MILR1: variants seen among roughly 807,000 people sequenced by gnomAD.
The protein encoded by MILR1 is allergin-1.
Under a neutral mutation model 18.5 loss-of-function variants are expected in MILR1, and 31 were observed. The observed-to-expected ratio is 1.68, with a 90% CI of 1.26 to 2.26. The LOEUF is 2.26. Ranked by LOEUF, MILR1 falls within the 30% of genes most tolerant of loss-of-function variation. The pLI is 0.00. For synonymous variants in MILR1, 85 were observed against 56.2 expected (o/e 1.51, Z -2.30); for missense variants, 257 against 157.4 (o/e 1.63, Z -3.38).
chr17:64,480,123 G>C, the MILR1 span, among the ~76,000 whole-genome samples: 1 of 152,162 alleles, frequency 6.6e-6, no homozygotes, highest in Non-Finnish European at 1.5e-5. Context: ...ACTGTTCCCT[G>C]CTGAGGCAAT....
the MILR1 span, chr17:64,490,449 T>C: frequency 3.4e-6 from 1 of 293,882 alleles, no homozygotes; most frequent in South Asian, 3.3e-5. Context: ...ACAGATTAAC[T>C]AGACTGTACT....
intron 5 of MILR1, among the ~76,000 whole-genome samples, chr17:64,462,777 A>G (rs2037462197): frequency 6.6e-6 from 1 of 151,632 alleles, no homozygotes; most frequent in African/African-American, 2.4e-5. Context: ...AGTAGCTGGG[A>G]TTACAGGCAC....
chr17:64,496,525 AACTAACCTG>A, the MILR1 span: 2 of 1,613,644 alleles, frequency 1.2e-6, no homozygotes. Flanking sequence ...TTTCTGCAGA[AACTAACCTG>A]AAGGCACTGT....
At chr17:64,473,173 C>A (rs566828640), downstream of MILR1, among the ~76,000 whole-genome samples, 12 of 152,098 alleles carry the variant, frequency 7.9e-5, no homozygotes, top group Non-Finnish European at 1.6e-4. Flanking sequence ...CACGATGAAA[C>A]CCCGTCTCTA....
chr17:64,492,413 T>C, the MILR1 span, among the ~76,000 whole-genome samples: 10 of 152,354 alleles, frequency 6.6e-5, no homozygotes, highest in East Asian at 7.7e-4. Context: ...CCAGGAATGC[T>C]AGGTGAGGGC....
At chr17:64,492,742 T>C in the MILR1 span, 4 of 1,613,120 alleles carry the variant, frequency 2.5e-6, no homozygotes, top group Admixed American at 1.7e-5. Context: ...GAGTAAACCA[T>C]ACTAACGAAG....
intron 8 of MILR1, among the ~76,000 whole-genome samples, chr17:64,467,043 TTTCTTC>T (rs1303564960): frequency 9.5e-4 from 141 of 149,002 alleles, no homozygotes; most frequent in African/African-American, 3.5e-3. Flanking sequence ...TCTTTCTTTC[TTTCTTC>T]TTTCTTTCTT....
chr17:64,469,169 G>A (rs1251281867), downstream of MILR1, among the ~76,000 whole-genome samples: 1 of 151,898 alleles, frequency 6.6e-6, no homozygotes. Context: ...AGAGAAACAG[G>A]TGAAATGAAT....
chr17:64,483,978 G>A, the MILR1 span: 6 of 152,278 alleles, frequency 3.9e-5, no homozygotes, highest in African/African-American at 1.2e-4. Context: ...GCTTCCCAAA[G>A]TGCTGGGATT....
rs118202280 is a variant in MILR1 at position 64,459,445 on chromosome 17, G to T, written c.653-1377G>T. Among the ~76,000 whole-genome samples the T allele has an allele frequency of 5.4e-3, 822 of 151,846 alleles. 7 individuals are homozygous for T. Among genetic ancestry groups the T allele is most frequent in the African/African-American group, 0.019 (793 of 41,432 alleles). On this transcript the variant is annotated intron_variant, in intron 4 of 9. Coordinates refer to ENST00000619286, the MANE Select transcript of MILR1 (RefSeq NM_001085423.2). ...GCGAGACCCTGTCTCAAAGAAAAAA[G>T]AAAAAGAAAAAGAAAGAAAAGAAAA...
At chr17:64,481,775 T>C in the MILR1 span, among the ~76,000 whole-genome samples, 1 of 152,162 alleles carries the variant, frequency 6.6e-6, no homozygotes, top group African/African-American at 2.4e-5. Context: ...CTAGGGAGGC[T>C]GAGGCAGGAG....
chr17:64,458,577 T>A (rs1164601599), intron 4 of MILR1, among the ~76,000 whole-genome samples: 3 of 151,914 alleles, frequency 2.0e-5, no homozygotes, highest in Non-Finnish European at 4.4e-5. Context: ...CTGCTAATGA[T>A]GATGGGTCCA....
At chr17:64,489,080 C>T in the MILR1 span, among the ~76,000 whole-genome samples, 1 of 143,214 alleles carries the variant, frequency 7.0e-6, no homozygotes, top group African/African-American at 2.6e-5. Context: ...GGCTGGAGTG[C>T]AGCAGCACAG....
At chr17:64,474,790 A>G in the MILR1 span, among the ~76,000 whole-genome samples, 1 of 152,074 alleles carries the variant, frequency 6.6e-6, no homozygotes, top group South Asian at 2.1e-4. Flanking sequence ...TATCCAAAGT[A>G]TGGTGTCCAC....
In MILR1 at chr17:64,450,636, T is replaced by C. The variant is rs1427629176; in HGVS notation, c.97+1281T>C. On this transcript the variant is annotated intron_variant, in intron 2 of 9. Transcript: ENST00000619286. ...CTGGGATTACAGGCACGTGCCACCA[T>C]GCCTGGGTAATTTTTGTATTGTTTT... 3.3e-5 allele frequency among the ~76,000 whole-genome samples: 5 copies of C among 151,816 alleles called. No homozygotes were observed. The East Asian group carries it at 9.7e-4, about 30-fold the overall frequency.
At chr17:64,464,485 C>T (rs1598101442) in intron 5 of MILR1, among the ~76,000 whole-genome samples, 1 of 151,990 alleles carries the variant, frequency 6.6e-6, no homozygotes, top group East Asian at 1.9e-4. Flanking sequence ...AGTGATCCTC[C>T]CACCTCAGCT....
chr17:64,491,559 C>T, the MILR1 span: 31 of 1,550,968 alleles, frequency 2.0e-5, no homozygotes, highest in Non-Finnish European at 2.7e-5. Context: ...CAAGAAACTT[C>T]TGGAGGTCAA....
At chr17:64,477,830 T>C in the MILR1 span, 1 of 1,589,868 alleles carries the variant, frequency 6.3e-7, no homozygotes, top group South Asian at 1.2e-5. Flanking sequence ...AATCTATACA[T>C]TCTTAGCTGA....
the MILR1 span, chr17:64,477,814 T>C: frequency 6.4e-7 from 1 of 1,558,754 alleles, no homozygotes; most frequent in Non-Finnish European, 8.7e-7. Context: ...ATTATACAAA[T>C]ATAAAAATCT....
Sources: allele counts gnomAD v4.1 joint callset (sites outside exome capture counted in the v4.1 genomes callset), GRCh38; gene constraint gnomAD v4.1.1; transcripts MANE v1.5; gene names NCBI Gene and HGNC (gene_info 2026-07-23, HGNC 2026-07-21).